DLG2: variants seen among roughly 807,000 people sequenced by gnomAD.
DLG2 encodes discs large MAGUK scaffold protein 2.
In DLG2, 45 loss-of-function variants were observed where a neutral mutation model predicts 132.5. That is an observed-to-expected ratio of 0.34 (90% confidence interval 0.27 to 0.44). The LOEUF (loss-of-function observed/expected upper bound fraction) is 0.44, where lower values mean the gene tolerates loss of function less well. Among genes scored for constraint, DLG2 ranks in the 20% least tolerant of loss-of-function variants. The pLI is 1.00. For synonymous variants in DLG2, 424 were observed against 419.6 expected (o/e 1.01, Z -0.13); for missense variants, 1,045 against 1,196.9 (o/e 0.87, Z 1.87).
chr11:84,053,711 G>A (rs1423261722), intron 11 of DLG2, among the ~76,000 whole-genome samples: 3 of 151,776 alleles, frequency 2.0e-5, no homozygotes, highest in Admixed American at 6.6e-5. Flanking sequence ...CTTTGTTCTA[G>A]GCTCATGGCT....
At chr11:83,514,790 T>G (rs989661757) in intron 21 of DLG2, among the ~76,000 whole-genome samples, 22 of 152,202 alleles carry the variant, frequency 1.4e-4, no homozygotes, top group African/African-American at 5.1e-4. Flanking sequence ...GAGACAATCA[T>G]GTGGTTTTTG....
rs368790686 is a variant in DLG2, at chr11:85,281,623, T to A, written c.186+3597A>T. Among the ~76,000 whole-genome samples the A allele has an allele frequency of 6.4e-4, 97 of 152,104 alleles. 1 individual carries two copies. In the South Asian group the frequency reaches 0.019, roughly 31 times the overall value. On this transcript the variant is annotated intron_variant, in intron 4 of 27. Transcript: ENST00000376104. The stretch of plus-strand genomic sequence containing the variant: ...TTCGCTCATAGTAAAATCTTTCCAA[T>A]AGCCTCTAAGGCTATCCCTTATCTG...
intron 6 of DLG2, among the ~76,000 whole-genome samples, chr11:84,666,447 T>C (rs529207059): frequency 3.3e-5 from 5 of 152,130 alleles, no homozygotes; most frequent in Non-Finnish European, 7.4e-5. Flanking sequence ...TTCATTATAA[T>C]AAATCTCTTT....
At chr11:84,423,408 T>C (rs2098956899) in intron 7 of DLG2, among the ~76,000 whole-genome samples, 1 of 152,206 alleles carries the variant, frequency 6.6e-6, no homozygotes, top group Admixed American at 6.5e-5. Context: ...CTACTGTAAC[T>C]GATGTGTTAA....
chr11:84,238,042 T>TAAAAA (rs71036414), intron 8 of DLG2, among the ~76,000 whole-genome samples: 6 of 73,116 alleles, frequency 8.2e-5, no homozygotes, highest in African/African-American at 1.6e-4. Flanking sequence ...AGACTCTGCC[T>TAAAAA]AAAAAAAAAA....
At chr11:84,139,802 C>T (rs1469889824) in intron 9 of DLG2, among the ~76,000 whole-genome samples, 2 of 152,032 alleles carry the variant, frequency 1.3e-5, no homozygotes, top group African/African-American at 4.8e-5. Context: ...AAATTCAAAC[C>T]AGTTTAAGAA....
intron 7 of DLG2, among the ~76,000 whole-genome samples, chr11:84,306,252 T>C (rs2098216817): frequency 6.6e-6 from 1 of 152,108 alleles, no homozygotes. Context: ...TAGGGCCCCA[T>C]AAATATATAA....
At chr11:84,051,186 C>A (rs2096370052) in intron 11 of DLG2, among the ~76,000 whole-genome samples, 1 of 151,876 alleles carries the variant, frequency 6.6e-6, no homozygotes, top group Non-Finnish European at 1.5e-5. Flanking sequence ...GGAGTGTAAA[C>A]TAGTTCAACC....
chr11:84,433,088 C>T (rs114984495), intron 7 of DLG2, among the ~76,000 whole-genome samples: 2,082 of 152,180 alleles, frequency 0.014, 56 homozygotes, highest in African/African-American at 0.048. Context: ...GGGTTGGTTA[C>T]ATCACTCATA....
chr11:84,705,786 A>G (rs566722952), intron 6 of DLG2, among the ~76,000 whole-genome samples: 1 of 151,824 alleles, frequency 6.6e-6, no homozygotes, highest in African/African-American at 2.4e-5. Context: ...TATCTTAAAA[A>G]TGAAGTATGA....
At chr11:83,803,390 GT>G (rs2045049765) in intron 17 of DLG2, among the ~76,000 whole-genome samples, 1 of 152,084 alleles carries the variant, frequency 6.6e-6, no homozygotes, top group African/African-American at 2.4e-5. Flanking sequence ...TGTGTTAAAT[GT>G]TTTGCAAACC....
intron 11 of DLG2, among the ~76,000 whole-genome samples, chr11:84,022,085 C>G (rs943554670): frequency 2.0e-4 from 30 of 152,284 alleles, no homozygotes; most frequent in Admixed American, 1.2e-3. Flanking sequence ...AGGAAAGAAG[C>G]AACCTTCAAT....
At chr11:84,415,606 C>T (rs1001611228) in intron 7 of DLG2, among the ~76,000 whole-genome samples, 7 of 152,092 alleles carry the variant, frequency 4.6e-5, no homozygotes, top group Admixed American at 1.3e-4. Context: ...AATTAGGATT[C>T]GTGATTCCAA....
chr11:83,501,801 G>T (rs891067347), intron 21 of DLG2, among the ~76,000 whole-genome samples: 2 of 151,990 alleles, frequency 1.3e-5, no homozygotes, highest in Non-Finnish European at 2.9e-5. Context: ...GAATTTAATT[G>T]AGCACCCACT....
intron 7 of DLG2, among the ~76,000 whole-genome samples, chr11:84,534,048 A>G (rs1714701319): frequency 6.6e-6 from 1 of 152,140 alleles, no homozygotes; most frequent in Admixed American, 6.6e-5. Flanking sequence ...ATTAAATTTT[A>G]AAAAGTAGAA....
At chr11:84,860,181 T>A (rs2083423171) in intron 6 of DLG2, among the ~76,000 whole-genome samples, 1 of 152,186 alleles carries the variant, frequency 6.6e-6, no homozygotes, top group South Asian at 2.1e-4. Flanking sequence ...TTTATTGTAT[T>A]GGCTCATAAG....
chr11:83,536,410 A>G (rs2095877199), intron 20 of DLG2, among the ~76,000 whole-genome samples: 1 of 152,122 alleles, frequency 6.6e-6, no homozygotes, highest in South Asian at 2.1e-4. Context: ...GTTCTCTGCA[A>G]ACCTCTTTCC....
intron 10 of DLG2, among the ~76,000 whole-genome samples, chr11:84,084,898 C>A (rs1310831125): frequency 6.6e-6 from 1 of 152,066 alleles, no homozygotes; most frequent in African/African-American, 2.4e-5. Flanking sequence ...CCACTGATCT[C>A]CACCCTGCTC....
intron 6 of DLG2, among the ~76,000 whole-genome samples, chr11:85,086,094 A>T (rs1397415421): frequency 6.6e-6 from 1 of 152,148 alleles, no homozygotes; most frequent in Non-Finnish European, 1.5e-5. Flanking sequence ...GCTATTTTTT[A>T]AATCACTCAT....
Sources: gnomAD v4.1 joint callset for allele counts (sites outside exome capture counted in the v4.1 genomes callset) on GRCh38, gnomAD v4.1.1 for gene constraint, MANE v1.5 for transcripts, NCBI Gene and HGNC (gene_info 2026-07-23, HGNC 2026-07-21) for gene names.